The following TENM4 variants were observed in gnomAD, a reference collection of about 807,000 sequenced individuals.
The protein encoded by TENM4 is teneurin-4.
In TENM4, 82 loss-of-function variants were observed where a neutral mutation model predicts 243.3. That is an observed-to-expected ratio of 0.34 (90% CI 0.28 to 0.40). The LOEUF (loss-of-function observed/expected upper bound fraction) is 0.40, where lower values mean the gene tolerates loss of function less well. Ranked by LOEUF, TENM4 falls within the 10% of genes least tolerant of loss-of-function variation. TENM4 has a pLI of 1.00. For missense variants in TENM4, 3,138 were observed against 3,673.3 expected (o/e 0.85, Z 3.77); for synonymous variants, 1,412 against 1,456.3 (o/e 0.97, Z 0.69).
intron 22 of TENM4, among the ~76,000 whole-genome samples, chr11:78,727,878 A>C (rs1855553674): frequency 6.6e-6 from 1 of 152,234 alleles, no homozygotes; most frequent in South Asian, 2.1e-4. Flanking sequence ...GGAATTAACA[A>C]CTGAGCAGCT....
chr11:79,177,763 A>C (rs1863194894), intron 3 of TENM4, among the ~76,000 whole-genome samples: 1 of 152,114 alleles, frequency 6.6e-6, no homozygotes, highest in Non-Finnish European at 1.5e-5. Flanking sequence ...GGCACGTAGG[A>C]GGGGCAGCAA....
intron 9 of TENM4, among the ~76,000 whole-genome samples, chr11:78,888,600 G>A (rs952941964): frequency 1.3e-5 from 2 of 152,162 alleles, no homozygotes; most frequent in South Asian, 4.1e-4. Context: ...TTGAACATGT[G>A]ATGGCCCATG....
At chr11:79,243,766 C>T (rs1419171128) in intron 2 of TENM4, among the ~76,000 whole-genome samples, 1 of 152,226 alleles carries the variant, frequency 6.6e-6, no homozygotes, top group Non-Finnish European at 1.5e-5. Context: ...ATGCAGGGCG[C>T]TAACCAAGAC....
chr11:79,340,342 C>T (rs1357054398), intron 1 of TENM4, among the ~76,000 whole-genome samples: 2 of 151,984 alleles, frequency 1.3e-5, no homozygotes, highest in African/African-American at 4.8e-5. Context: ...TCTGGAGGGC[C>T]CTTCTGTCAG....
At chr11:79,027,763 A>C (rs1470464628) in intron 6 of TENM4, among the ~76,000 whole-genome samples, 1 of 152,140 alleles carries the variant, frequency 6.6e-6, no homozygotes, top group African/African-American at 2.4e-5. Context: ...TTCCCTGAAA[A>C]GTGTTCACCA....
chr11:79,189,918 T>C (rs924725782), intron 3 of TENM4, among the ~76,000 whole-genome samples: 1 of 152,222 alleles, frequency 6.6e-6, no homozygotes, highest in Non-Finnish European at 1.5e-5. Flanking sequence ...TCTACGCCAC[T>C]GACGGTTAGA....
At chr11:79,116,071 A>G (rs1379559015) in intron 4 of TENM4, among the ~76,000 whole-genome samples, 1 of 152,234 alleles carries the variant, frequency 6.6e-6, no homozygotes, top group Non-Finnish European at 1.5e-5. Context: ...AGTTCCTGTG[A>G]GACTGAAGCA....
Position 79,438,184 on chromosome 11 carries a change from A to C in TENM4, c.-321+2325T>G, listed in dbSNP as rs956137656. The stretch of plus-strand genomic sequence containing the variant: ...CTGGGGGGAAGGGAGTTCAGGGCCA[A>C]TGTGTCCCAGACTTCAGCGTTCCCC... On this transcript the variant is annotated intron_variant, in intron 1 of 33. Coordinates refer to ENST00000278550, the MANE Select transcript of TENM4 (RefSeq NM_001098816.3). This position sits in a 1 kb window ranked among gnomAD's most constrained non-coding sequence, Gnocchi z 4.1. Among the ~76,000 whole-genome samples, 1 of 152,038 alleles carries C rather than the reference A, an allele frequency of 6.6e-6. No homozygotes were observed. Among genetic ancestry groups the C allele is most frequent in the Non-Finnish European group, 1.5e-5 (1 of 67,988 alleles).
In TENM4 at chr11:79,224,535, G is replaced by T. The variant is rs534880051; in HGVS notation, c.-264-8626C>A. On this transcript the variant is annotated intron_variant, in intron 2 of 33. Coordinates refer to ENST00000278550, the MANE Select transcript of TENM4 (RefSeq NM_001098816.3). ...TCCTCAAAAAAGAAAATATGCTGGA[G>T]TCCAAACCCCCAGTACTGCAGAGTG... 2.0e-5 allele frequency among the ~76,000 whole-genome samples: 3 copies of T among 152,256 alleles called. No homozygotes were observed. In the South Asian group the frequency reaches 6.2e-4, roughly 32 times the overall value.
At chr11:79,431,349 T>G (rs1859165378) in intron 1 of TENM4, among the ~76,000 whole-genome samples, 1 of 152,240 alleles carries the variant, frequency 6.6e-6, no homozygotes, top group South Asian at 2.1e-4. Flanking sequence ...CACATTTTAC[T>G]TATTCCACCC....
chr11:78,951,469 T>C (rs1425243779), intron 6 of TENM4, among the ~76,000 whole-genome samples: 1 of 152,256 alleles, frequency 6.6e-6, no homozygotes, highest in Non-Finnish European at 1.5e-5. Flanking sequence ...ACCAGAGCTC[T>C]GGTCTTAGTC....
intron 20 of TENM4, among the ~76,000 whole-genome samples, chr11:78,733,229 G>A (rs1855707823): frequency 6.6e-6 from 1 of 152,196 alleles, no homozygotes. Flanking sequence ...AGAACCAGAA[G>A]ACTGAGTGCC....
intron 1 of TENM4, among the ~76,000 whole-genome samples, chr11:79,333,458 C>T (rs1857094696): frequency 6.6e-6 from 1 of 152,190 alleles, no homozygotes; most frequent in Non-Finnish European, 1.5e-5. Context: ...GAACATGTGT[C>T]AACATCCCTA....
At position 79,229,633 on chromosome 11, in the gene TENM4, C is replaced by T. The variant is rs117135092; in HGVS notation, c.-264-13724G>A. On this transcript the variant is annotated intron_variant, in intron 2 of 33. Coordinates refer to ENST00000278550, the MANE Select transcript of TENM4 (RefSeq NM_001098816.3). ...CATTCTTAACCACCCTGCTTACCACCCTAGCACCCTTCAGCATTGGACATT... is the reference window on the plus strand; with the variant it reads ...CATTCTTAACCACCCTGCTTACCACTCTAGCACCCTTCAGCATTGGACATT... Among the ~76,000 whole-genome samples, 1,069 of 152,286 alleles carry T rather than the reference C, an allele frequency of 7.0e-3. 7 individuals carry two copies. Among genetic ancestry groups the T allele is most frequent in the Non-Finnish European group, 0.011 (773 of 68,024 alleles).
chr11:79,141,117 C>A (rs1356207920), intron 4 of TENM4, among the ~76,000 whole-genome samples: 2 of 152,090 alleles, frequency 1.3e-5, no homozygotes, highest in Non-Finnish European at 1.5e-5. Context: ...AGACTTCTTC[C>A]TAGCTCTGTC....
chr11:78,856,071 G>C lies in TENM4; in HGVS notation c.1363C>G (p.Gln455Glu), dbSNP rs532352340. The stretch of plus-strand genomic sequence containing the variant: ...TGCACAGGATGGTCTATGAACACTT[G>C]AGATCTCCAGAAAGTGCCAGGAGGA... The part of the protein sequence containing the change: ...KIPPGTFWRS[Q>E]VFIDHPVHLK... Residue 455 changes from glutamine to glutamate, a missense_variant, in exon 11 of 34, where the codon CAA becomes GAA. Around this residue, in one of 2 missense-constraint regions of TENM4, gnomAD observed 2,467 missense variants for 3,059.1 expected, o/e 0.81. Transcript: ENST00000278550. 5.2e-6 allele frequency: 8 copies of C among 1,551,706 alleles called. No homozygotes were observed. The East Asian group carries it at 2.0e-4, about 38-fold the overall frequency.
chr11:79,254,627 C>A (rs945397462), intron 2 of TENM4, among the ~76,000 whole-genome samples: 4 of 152,146 alleles, frequency 2.6e-5, no homozygotes, highest in Non-Finnish European at 5.9e-5. Context: ...GATTAAAGGC[C>A]ATTTTGTTTT....
chr11:79,425,320 C>T (rs1255511493), intron 1 of TENM4, among the ~76,000 whole-genome samples: 1 of 152,162 alleles, frequency 6.6e-6, no homozygotes, highest in African/African-American at 2.4e-5. Flanking sequence ...GCACTGCTTG[C>T]CCTCCTCCAA....
At chr11:78,677,665 A>C (rs1355299885) in intron 29 of TENM4, among the ~76,000 whole-genome samples, 2 of 150,352 alleles carry the variant, frequency 1.3e-5, no homozygotes, top group African/African-American at 4.9e-5. Flanking sequence ...AAAAAAAAAT[A>C]CATAAATATA....
Sources: gnomAD v4.1 joint callset for allele counts (sites outside exome capture counted in the v4.1 genomes callset) on GRCh38, gnomAD v4.1.1 for gene constraint, gnomAD v4.1.1 regional missense constraint, Gnocchi (gnomAD v3.1) non-coding constraint, MANE v1.5 for transcripts, NCBI Gene and HGNC (gene_info 2026-07-23, HGNC 2026-07-21) for gene names.